VSIG10L2: variants seen among roughly 807,000 people sequenced by gnomAD.
VSIG10L2 encodes V-set and immunoglobulin domain containing 10 like 2, also known as V-set and immunoglobulin domain-containing protein 10-like 2.
A neutral mutation model predicts 67.1 loss-of-function variants in VSIG10L2; 56 were observed. The ratio of observed to expected loss-of-function variants is 0.83; its 90% CI spans 0.67 to 1.04. VSIG10L2 has a LOEUF of 1.04. Among genes scored for constraint, VSIG10L2 ranks in the 50% least tolerant of loss-of-function variants. The pLI, the probability that VSIG10L2 is intolerant of heterozygous loss-of-function variation, is 0.00. For missense variants in VSIG10L2, 843 were observed against 932.8 expected (o/e 0.90, Z 1.25); for synonymous variants, 360 against 396.6 (o/e 0.91, Z 1.10).
At chr11:125,953,796 T>A (rs1945411300) in intron 7 of VSIG10L2, 106 bp downstream of exon 7, 1 of 1,135,694 alleles carries the variant, frequency 8.8e-7, no homozygotes, top group Non-Finnish European at 1.1e-6. Context: ...GCTCCAAAAT[T>A]TGGACGCTTG....
intron 3 of VSIG10L2, among the ~76,000 whole-genome samples, chr11:125,949,559 C>G (rs565487016): frequency 2.1e-3 from 314 of 152,240 alleles, no homozygotes; most frequent in African/African-American, 7.3e-3. Context: ...AAGATGGTGA[C>G]CCTGAGCTTG....
chr11:125,949,372 T>C (rs1355720976), intron 3 of VSIG10L2, among the ~76,000 whole-genome samples: 2 of 152,148 alleles, frequency 1.3e-5, no homozygotes, highest in Non-Finnish European at 2.9e-5. Context: ...TCTTAGACGT[T>C]TTAAGGAGCG....
rs560695633 is a variant in VSIG10L2 at position 125,946,606 on chromosome 11, C to T, written c.82+469C>T. 3.4e-5 allele frequency among the ~76,000 whole-genome samples: 5 copies of T among 147,886 alleles called. No homozygotes were observed. Among genetic ancestry groups the T allele is most frequent in the South Asian group, 4.3e-4 (2 of 4,642 alleles). ...AGGCTGGAGTGCAGTGGTGTGATCT[C>T]GGCTCACTGCAACCTCTGCCTCCTG... On this transcript the variant is annotated intron_variant, in intron 1 of 11. Coordinates refer to ENST00000686984, the MANE Select transcript of VSIG10L2 (RefSeq NM_001365077.2). This position sits in a 1 kb window ranked among gnomAD's most constrained non-coding sequence, Gnocchi z 4.4.
rs1332536176 is a variant in VSIG10L2 at position 125,946,165 on chromosome 11, G to T, written c.82+28G>T. On this transcript the variant is annotated intron_variant, in intron 1 of 11. Coordinates refer to ENST00000686984, the MANE Select transcript of VSIG10L2 (RefSeq NM_001365077.2). This position sits in a 1 kb window ranked among gnomAD's most constrained non-coding sequence, Gnocchi z 4.4. ...GAGTGATACTCAGACCCCCCAGGGGGTTCATTTCCCACTCCCATCCCATTA... is the reference window on the plus strand; with the variant it reads ...GAGTGATACTCAGACCCCCCAGGGGTTTCATTTCCCACTCCCATCCCATTA... The T allele has an allele frequency of 2.0e-5, 8 of 398,850 alleles. No homozygotes were observed. Among genetic ancestry groups the T allele is most frequent in the Admixed American group, 8.8e-5 (2 of 22,720 alleles). The allele number at this position is 398,850 out of a possible 1,614,324, so 24.7% of individuals were successfully genotyped here.
chr11:125,953,555 A>C lies in VSIG10L2; in HGVS notation c.1651A>C (p.Met551Leu). 8.1e-7 allele frequency: 1 copy of C among 1,232,206 alleles called. No individual in the cohort carries two copies. Among genetic ancestry groups the C allele is most frequent in the Non-Finnish European group, 1.0e-6 (1 of 988,018 alleles). 76.3% of individuals were successfully genotyped at this position (1,232,206 alleles called of 1,614,324 possible). A position where few individuals can be genotyped will look rare whatever the true frequency, so the allele number is the denominator to read the frequency against. ...AGTGGACCCCGGCACTTCAGGATTC[A>C]TGCTGCACCCTGAGGGTGCCCAGCT... ...QKVDPGTSGFMLHPEGAQLRL... is the reference protein window; with the variant it reads ...QKVDPGTSGFLLHPEGAQLRL... The change falls in exon 7 of 12, where the codon ATG becomes CTG. Residue 551 changes from methionine (M) to leucine (L), a missense_variant. This residue lies in a region of VSIG10L2 where 397 missense variants were observed against 384.4 expected (regional missense o/e 1.03). Transcript: ENST00000686984.
Position 125,946,744 on chromosome 11 carries a change from G to A in VSIG10L2, c.82+607G>A, listed in dbSNP as rs1945307025. Among the ~76,000 whole-genome samples the A allele has an allele frequency of 6.6e-6, 1 of 152,084 alleles. No individual in the cohort carries two copies. Among genetic ancestry groups the A allele is most frequent in the Admixed American group, 6.5e-5 (1 of 15,278 alleles). On this transcript the variant is annotated intron_variant, in intron 1 of 11. Coordinates refer to ENST00000686984, the MANE Select transcript of VSIG10L2 (RefSeq NM_001365077.2). This position sits in a 1 kb window ranked among gnomAD's most constrained non-coding sequence, Gnocchi z 4.4. Reference sequence around the variant, plus strand: ...GTAGAGCCAGGGTTTTGCCATGTTGGCCAGGCTGGTCTCAAACTCCTGACC... The same window carrying A: ...GTAGAGCCAGGGTTTTGCCATGTTGACCAGGCTGGTCTCAAACTCCTGACC...
rs892947283 is a variant in VSIG10L2, at chr11:125,950,174, G to A, written c.870G>A (p.Gly290=). ...WLRDHTQVHT[G]PTYVIARAGR... is the part of the protein sequence containing the mutation. ...GTGACCACACGCAAGTCCACACGGG[G>A]CCTACCTATGTCATCGCCAGAGCTG... Residue 290 remains glycine (G), a synonymous_variant, in exon 4 of 12, where the codon GGG becomes GGA. Transcript: ENST00000686984. 4.1e-6 allele frequency: 5 copies of A among 1,232,230 alleles called. No individual in the cohort carries two copies. Among genetic ancestry groups the A allele is most frequent in the Admixed American group, 4.2e-5 (1 of 23,706 alleles). The allele number at this position is 1,232,230 out of a possible 1,614,324, so 76.3% of individuals were successfully genotyped here. A position where few individuals can be genotyped will look rare whatever the true frequency, so the allele number is the denominator to read the frequency against.
intron 3 of VSIG10L2, 101 bp from the exon 4 acceptor site, chr11:125,949,913 A>C (rs1333385281): frequency 8.6e-7 from 1 of 1,167,570 alleles, no homozygotes; most frequent in East Asian, 3.2e-5. Context: ...GCCAGTGCAT[A>C]CTACATGCCC....
chr11:125,950,857 T>C (rs2134304147), intron 4 of VSIG10L2, 53 bp from the exon 5 acceptor site: 1 of 1,232,106 alleles, frequency 8.1e-7, no homozygotes, highest in East Asian at 3.2e-5. Context: ...GCCTGGGGGC[T>C]GCAGGGCACT....
In VSIG10L2 at chr11:125,954,083, C is replaced by A; in HGVS notation, c.1787-4C>A. The A allele has an allele frequency of 8.1e-7, 1 of 1,232,160 alleles. No individual in the cohort carries two copies. The highest frequency in any genetic ancestry group is 4.1e-5 in the South Asian group (1 of 24,282). The allele number at this position is 1,232,160 out of a possible 1,614,324, so 76.3% of individuals were successfully genotyped here. A position where few individuals can be genotyped will look rare whatever the true frequency, so the allele number is the denominator to read the frequency against. On this transcript the variant is annotated splice_polypyrimidine_tract_variant and splice_region_variant and intron_variant, in intron 7 of 11. Transcript: ENST00000686984. ...TCCCTTGTTTTGTCCCCACCCTCAC[C>A]CAGGATATCCAGCTCCTCCCAATGT...
At position 125,954,378 on chromosome 11, in the gene VSIG10L2, T is replaced by C. The variant is rs1156229496; in HGVS notation, c.2078T>C (p.Ile693Thr). 16 of 1,232,050 alleles carry C rather than the reference T, an allele frequency of 1.3e-5. No individual in the cohort carries two copies. The highest frequency in any genetic ancestry group is 4.2e-5 in the Admixed American group (1 of 23,710). The allele number at this position is 1,232,050 out of a possible 1,614,324, so 76.3% of individuals were successfully genotyped here. A position where few individuals can be genotyped will look rare whatever the true frequency, so the allele number is the denominator to read the frequency against. The change falls in exon 8 of 12, where the codon ATA (isoleucine) becomes ACA (threonine). Residue 693 changes from isoleucine (I) to threonine (T), a missense_variant. Coordinates refer to ENST00000686984, the MANE Select transcript of VSIG10L2 (RefSeq NM_001365077.2). ...HTAGHPSEVK[I>T]PADPPFSAYP... Reference sequence around the variant, plus strand: ...GCAGGACATCCCTCTGAGGTGAAGATACCAGGTGCCAGCTAATGCCAGGGA... The same window carrying C: ...GCAGGACATCCCTCTGAGGTGAAGACACCAGGTGCCAGCTAATGCCAGGGA...
At chr11:125,954,843 G>A (rs535143492) in intron 8 of VSIG10L2, among the ~76,000 whole-genome samples, 1 of 152,286 alleles carries the variant, frequency 6.6e-6, no homozygotes, top group Non-Finnish European at 1.5e-5. Context: ...GGATTTGGCA[G>A]GAGAGTCAAA....
chr11:125,952,998 C>T (rs953518552), intron 6 of VSIG10L2, among the ~76,000 whole-genome samples: 1 of 152,094 alleles, frequency 6.6e-6, no homozygotes, highest in African/African-American at 2.4e-5. Flanking sequence ...TAAGTCAGTC[C>T]ATAAAATCTG....
intron 4 of VSIG10L2, 25 bp downstream of exon 4, chr11:125,950,314 C>T: frequency 8.1e-7 from 1 of 1,232,308 alleles, no homozygotes; most frequent in Non-Finnish European, 1.0e-6. Flanking sequence ...CGGGTGACGC[C>T]CAGACCTGTC....
Position 125,955,608 on chromosome 11 carries a change from C to T in VSIG10L2, c.2232-7C>T, listed in dbSNP as rs1157314899. 3.9e-6 allele frequency: 6 copies of T among 1,528,738 alleles called. No individual in the cohort carries two copies. Among genetic ancestry groups the T allele is most frequent in the Admixed American group, 2.0e-5 (1 of 50,724 alleles). The allele number at this position is 1,528,738 out of a possible 1,614,324, so 94.7% of individuals were successfully genotyped here. ...CCACTAACTTTACTCTCCCACTTCA[C>T]TCTCAGGGAGCAAAGGCACCAACAG... is the stretch of plus-strand genomic sequence containing the variant. On this transcript the variant is annotated splice_region_variant and splice_polypyrimidine_tract_variant and intron_variant, in intron 10 of 11. Coordinates refer to ENST00000686984, the MANE Select transcript of VSIG10L2 (RefSeq NM_001365077.2).
At chr11:125,955,315 C>A (rs1028423460) in intron 9 of VSIG10L2, 136 bp downstream of exon 9, 13 of 1,292,874 alleles carry the variant, frequency 1.0e-5, no homozygotes, top group Non-Finnish European at 1.3e-5. Context: ...CTCCCCAGTG[C>A]TAGATGTTGC....
chr11:125,949,459 G>C (rs1452064118), intron 3 of VSIG10L2, among the ~76,000 whole-genome samples: 1 of 152,198 alleles, frequency 6.6e-6, no homozygotes, highest in East Asian at 1.9e-4. Context: ...TGTTGAGGCA[G>C]GTGAGCAGGA....
Position 125,952,002 on chromosome 11 carries a change from C to G in VSIG10L2, c.1424C>G (p.Ala475Gly). 6.5e-7 allele frequency: 1 copy of G among 1,536,154 alleles called. No homozygotes were observed. The highest frequency in any genetic ancestry group is 8.7e-7 in the Non-Finnish European group (1 of 1,146,898). ...CTCCTGCAGGCCCAAGAAGATCTGGCTGGCAGAGAGTTCACCTGCCGGGGC... is the reference window on the plus strand; with the variant it reads ...CTCCTGCAGGCCCAAGAAGATCTGGGTGGCAGAGAGTTCACCTGCCGGGGC... ...VHLLQAQEDL[A>G]GREFTCRGTH... The change falls in exon 6 of 12, where the codon GCT becomes GGT. Residue 475 changes from alanine to glycine, a missense_variant. Coordinates refer to ENST00000686984, the MANE Select transcript of VSIG10L2 (RefSeq NM_001365077.2).
In VSIG10L2 at chr11:125,948,460, G is replaced by T. The variant is rs1945323419; in HGVS notation, c.589G>T (p.Val197Phe). 12 of 1,232,408 alleles carry T rather than the reference G, an allele frequency of 9.7e-6. No homozygotes were observed. The highest frequency in any genetic ancestry group is 1.2e-5 in the Non-Finnish European group (12 of 988,158). 76.3% of individuals were successfully genotyped at this position (1,232,408 alleles called of 1,614,324 possible). ...PRGLGEALVGVTEPLFQLDPV... is the reference protein window; with the variant it reads ...PRGLGEALVGFTEPLFQLDPV... ...AGGCCTTGGAGAGGCCCTGGTGGGG[G>T]TCACTGAGCCACTATTCCAGCTGGA... The change falls in exon 3 of 12, where the codon GTC becomes TTC. Residue 197 changes from valine to phenylalanine, a missense_variant. Val to Phe is a conservative substitution (Grantham distance 50). Around this residue, in one of 2 missense-constraint regions of VSIG10L2, gnomAD observed 446 missense variants for 548.4 expected, o/e 0.81. Transcript: ENST00000686984.
Sources: allele counts gnomAD v4.1 joint callset (sites outside exome capture counted in the v4.1 genomes callset), GRCh38; gene constraint gnomAD v4.1.1; regional missense constraint gnomAD v4.1.1; non-coding constraint Gnocchi (gnomAD v3.1); transcripts MANE v1.5; gene names NCBI Gene and HGNC (gene_info 2026-07-23, HGNC 2026-07-21).